FGF13: variants seen among roughly 807,000 people sequenced by gnomAD.
FGF13 encodes fibroblast growth factor homologous factor 2.
A neutral mutation model predicts 19.5 loss-of-function variants in FGF13; 2 were observed. The observed-to-expected ratio is 0.10, with a 90% confidence interval of 0.04 to 0.32. The LOEUF (loss-of-function observed/expected upper bound fraction) is 0.32, where lower values mean the gene tolerates loss of function less well. Among genes scored for constraint, FGF13 ranks in the 10% least tolerant of loss-of-function variants. The probability of loss-of-function intolerance (pLI) is 1.00; values close to 1 mark genes in which losing one functional copy is unlikely to be tolerated. For synonymous variants in FGF13, 72 were observed against 76.9 expected (o/e 0.94, Z 0.33); for missense variants, 113 against 192.7 (o/e 0.59, Z 2.45).
intron 1 of FGF13, among the ~76,000 whole-genome samples, chrX:139,168,522 G>T (rs1347994336): frequency 1.8e-5 from 2 of 111,484 alleles, no homozygotes; most frequent in Admixed American, 1.9e-4. Context: ...ACAGTAAAAG[G>T]TCTTCTACAT....
chrX:138,661,346 G>A (rs146512000), intron 3 of FGF13, among the ~76,000 whole-genome samples: 1,659 of 111,998 alleles, frequency 0.015, 32 homozygotes, highest in African/African-American at 0.051. Context: ...TTTGCTTTGT[G>A]CCTCTTACAT....
intron 3 of FGF13, among the ~76,000 whole-genome samples, chrX:138,807,813 A>G (rs928610805): frequency 4.5e-5 from 5 of 111,812 alleles, no homozygotes; most frequent in Non-Finnish European, 3.8e-5. Context: ...GATAAAACAG[A>G]CTTTAAACCA....
At chrX:138,916,482 A>T (rs2048583992) in intron 1 of FGF13, among the ~76,000 whole-genome samples, 1 of 112,165 alleles carries the variant, frequency 8.9e-6, no homozygotes, top group African/African-American at 3.2e-5. Flanking sequence ...AGACAGGGAC[A>T]GCAATGAATC....
intron 1 of FGF13, among the ~76,000 whole-genome samples, chrX:138,921,821 G>C (rs753945587): frequency 9.1e-6 from 1 of 109,669 alleles, no homozygotes; most frequent in South Asian, 4.0e-4. Flanking sequence ...TGATACACTA[G>C]TTCTGCACTG....
Position 139,153,195 on chromosome X carries a change from C to A in FGF13, c.-113+50221G>T, listed in dbSNP as rs189042907. On this transcript the variant is annotated intron_variant, in intron 1 of 2. Coordinates refer to the FGF13 transcript ENST00000421460. ...GGTAGGGCTTTTGGCTGTCAATTCA[C>A]CCTCTACAGACAGCCAAGAATTCCA... Among the ~76,000 whole-genome samples, 228 of 111,027 alleles carry A rather than the reference C, an allele frequency of 2.1e-3. 2 individuals are homozygous for A. The highest frequency in any genetic ancestry group is 6.3e-3 in the African/African-American group (191 of 30,535).
intron 1 of FGF13, among the ~76,000 whole-genome samples, chrX:138,872,160 G>C (rs1043992928): frequency 1.8e-5 from 2 of 112,161 alleles, no homozygotes; most frequent in African/African-American, 6.5e-5. Context: ...ATGAACAGAA[G>C]TAATGGCTGA....
intron 3 of FGF13, among the ~76,000 whole-genome samples, chrX:138,767,498 T>G (rs973398758): frequency 1.8e-5 from 2 of 111,546 alleles, no homozygotes; most frequent in Non-Finnish European, 3.8e-5. Context: ...AAGCAATACT[T>G]TAGTCTGGTT....
chrX:139,037,422 TA>T (rs1393508118), intron 1 of FGF13, among the ~76,000 whole-genome samples: 1,183 of 101,618 alleles, frequency 0.012, 10 homozygotes, highest in African/African-American at 0.036. Flanking sequence ...ATTGGTGCTG[TA>T]AAAAAAAAAA....
intron 3 of FGF13, among the ~76,000 whole-genome samples, chrX:138,841,005 T>C (rs925604005): frequency 9.0e-6 from 1 of 111,308 alleles, no homozygotes; most frequent in Non-Finnish European, 1.9e-5. Context: ...CTAATCCATA[T>C]GGCAGGTCTT....
chrX:139,174,055 C>T lies in FGF13; in HGVS notation c.-113+29361G>A, dbSNP rs1265206598. Among the ~76,000 whole-genome samples, 7 of 112,209 alleles carry T rather than the reference C, an allele frequency of 6.2e-5. No homozygotes were observed. In the East Asian group the frequency reaches 8.4e-4, roughly 13 times the overall value. On this transcript the variant is annotated intron_variant, in intron 1 of 2. Coordinates refer to the FGF13 transcript ENST00000421460. Reference sequence around the variant, plus strand: ...CATTCCTATTTCTCCACATCCTCTGCAGCATCTGTTGTTTCCTGACTTTTT... The same window carrying T: ...CATTCCTATTTCTCCACATCCTCTGTAGCATCTGTTGTTTCCTGACTTTTT...
At chrX:139,001,502 C>A (rs779754307) in intron 1 of FGF13, among the ~76,000 whole-genome samples, 48 of 110,636 alleles carry the variant, frequency 4.3e-4, no homozygotes, top group Admixed American at 1.1e-3. Context: ...AAAAAACAAA[C>A]AACCCCTTGA....
At chrX:139,022,780 A>C (rs1387029480) in intron 1 of FGF13, among the ~76,000 whole-genome samples, 1 of 111,342 alleles carries the variant, frequency 9.0e-6, no homozygotes, top group Non-Finnish European at 1.9e-5. Flanking sequence ...AAACATATAC[A>C]GTATGAGGTT....
At chrX:138,914,265 C>T (rs780448956) in intron 1 of FGF13, among the ~76,000 whole-genome samples, 3 of 106,240 alleles carry the variant, frequency 2.8e-5, no homozygotes, top group South Asian at 8.8e-4. Context: ...CCTACTTGTG[C>T]CCCCCGAGCT....
chrX:138,656,186 A>G (rs1359107068), intron 3 of FGF13, among the ~76,000 whole-genome samples: 1 of 111,891 alleles, frequency 8.9e-6, no homozygotes, highest in Non-Finnish European at 1.9e-5. Context: ...CTTTGAGAAC[A>G]CATGGTGCTT....
chrX:139,158,963 A>G (rs898642865), intron 1 of FGF13, among the ~76,000 whole-genome samples: 5 of 111,942 alleles, frequency 4.5e-5, no homozygotes, highest in African/African-American at 1.3e-4. Flanking sequence ...ATTCAAATTC[A>G]GGAAATACAG....
intron 1 of FGF13, among the ~76,000 whole-genome samples, chrX:139,198,129 G>A (rs1429463411): frequency 9.0e-6 from 1 of 110,708 alleles, no homozygotes; most frequent in Non-Finnish European, 1.9e-5. Flanking sequence ...TTGATTTTAC[G>A]GATGTAAATA....
chrX:139,070,708 G>C (rs767558430), intron 1 of FGF13, among the ~76,000 whole-genome samples: 1 of 112,124 alleles, frequency 8.9e-6, no homozygotes, highest in South Asian at 3.7e-4. Context: ...GTTCACAATA[G>C]GAAAGACGTG....
chrX:139,052,556 T>C (rs768593787), intron 1 of FGF13, among the ~76,000 whole-genome samples: 17 of 112,141 alleles, frequency 1.5e-4, no homozygotes, highest in Non-Finnish European at 3.0e-4. Flanking sequence ...TTTGATGAGA[T>C]GAATGAGTGG....
chrX:138,830,692 T>TGTGTGTG (rs1409324121), intron 3 of FGF13, among the ~76,000 whole-genome samples: 2 of 55,620 alleles, frequency 3.6e-5, no homozygotes, highest in Non-Finnish European at 7.6e-5. Context: ...GGTGTTTGTG[T>TGTGTGTG]GTGTGTGTGT....
Sources: allele counts gnomAD v4.1 joint callset (sites outside exome capture counted in the v4.1 genomes callset), GRCh38; gene constraint gnomAD v4.1.1; transcripts MANE v1.5; gene names NCBI Gene and HGNC (gene_info 2026-07-23, HGNC 2026-07-21).